PTPN13: variants seen among roughly 807,000 people sequenced by gnomAD.
PTPN13 encodes protein tyrosine phosphatase non-receptor type 13.
A neutral mutation model predicts 284.0 loss-of-function variants in PTPN13; 191 were observed. That is an observed-to-expected ratio of 0.67 (90% CI 0.60 to 0.76). PTPN13 has a LOEUF of 0.76. Ranked by LOEUF, PTPN13 falls within the 30% of genes least tolerant of loss-of-function variation. The pLI, the probability that PTPN13 is intolerant of heterozygous loss-of-function variation, is 0.00. For missense variants in PTPN13, 2,797 were observed against 2,939.9 expected, an observed-to-expected ratio of 0.95 and a Z score of 1.12; for synonymous variants, 986 against 1,022.3, an observed-to-expected ratio of 0.96 and a Z score of 0.68.
chr4:86,699,365 G>C (rs1730904189), intron 6 of PTPN13, among the ~76,000 whole-genome samples: 1 of 151,902 alleles, frequency 6.6e-6, no homozygotes, highest in Admixed American at 6.6e-5. Flanking sequence ...GAGCCTGGGA[G>C]ACGGAGCGAG....
At position 86,732,465 on chromosome 4, in the gene PTPN13, G is replaced by A; in HGVS notation, c.1674G>A (p.Arg558=). The change falls in exon 11 of 48, where the codon CGG becomes CGA. Residue 558 remains arginine, a synonymous_variant. Coordinates refer to ENST00000411767, the MANE Select transcript of PTPN13 (RefSeq NM_080683.3). ...CATTTATATCTTTGGATTTGCCACGGTCTATTCTTGTAAGTAATAAAACCA... is the reference window on the plus strand; with the variant it reads ...CATTTATATCTTTGGATTTGCCACGATCTATTCTTGTAAGTAATAAAACCA... ...IEPFISLDLP[R]SILTKKGKNE... is the part of the protein sequence containing the mutation. 3.1e-6 allele frequency: 5 copies of A among 1,600,636 alleles called. No homozygotes were observed. The highest frequency in any genetic ancestry group is 4.3e-6 in the Non-Finnish European group (5 of 1,172,328).
intron 1 of PTPN13, among the ~76,000 whole-genome samples, chr4:86,613,909 C>T (rs758815199): frequency 1.3e-5 from 2 of 151,996 alleles, no homozygotes; most frequent in African/African-American, 2.4e-5. Context: ...AGTTAAATAC[C>T]TAGAATTTCT....
At chr4:86,637,783 C>A (rs1162203351) in intron 2 of PTPN13, among the ~76,000 whole-genome samples, 4 of 141,682 alleles carry the variant, frequency 2.8e-5, no homozygotes, top group South Asian at 5.0e-4. Context: ...ACAGGGATGC[C>A]CTCTCTCACC....
chr4:86,766,370 A>G, intron 26 of PTPN13, 62 bp from the exon 27 acceptor site: 1 of 1,304,476 alleles, frequency 7.7e-7, no homozygotes. Flanking sequence ...ACGAAATAAG[A>G]CCATAAGATT....
chr4:86,652,127 G>C (rs1725158234), intron 2 of PTPN13, among the ~76,000 whole-genome samples: 1 of 151,990 alleles, frequency 6.6e-6, no homozygotes, highest in African/African-American at 2.4e-5. Context: ...CAGTTTTTTT[G>C]TTTGGTTGAT....
chr4:86,695,556 T>A (rs1402581672), intron 6 of PTPN13, among the ~76,000 whole-genome samples: 1 of 152,034 alleles, frequency 6.6e-6, no homozygotes, highest in Non-Finnish European at 1.5e-5. Flanking sequence ...GAAATAATCT[T>A]TTGGGAGACA....
At chr4:86,794,560 A>C (rs1182959617) in intron 40 of PTPN13, among the ~76,000 whole-genome samples, 1 of 152,202 alleles carries the variant, frequency 6.6e-6, no homozygotes, top group African/African-American at 2.4e-5. Flanking sequence ...TAAAGTTCAT[A>C]TGGAACCCAA....
intron 1 of PTPN13, among the ~76,000 whole-genome samples, chr4:86,632,291 A>G (rs1212079827): frequency 6.6e-6 from 1 of 152,172 alleles, no homozygotes; most frequent in African/African-American, 2.4e-5. Flanking sequence ...TTTGTTGCTT[A>G]TCTCCTCACC....
At chr4:86,722,560 T>A (rs1373968990) in intron 10 of PTPN13, 126 bp downstream of exon 10, 7 of 678,150 alleles carry the variant, frequency 1.0e-5, no homozygotes, top group Non-Finnish European at 1.6e-5. Context: ...TGAAATCCCA[T>A]ATTCATTTCC....
intron 3 of PTPN13, among the ~76,000 whole-genome samples, chr4:86,684,113 A>AAAAG (rs1306626622): frequency 6.6e-6 from 1 of 152,110 alleles, no homozygotes; most frequent in Non-Finnish European, 1.5e-5. Flanking sequence ...AAAAAAAAAA[A>AAAAG]AGCTGTTTCC....
chr4:86,752,956 T>C lies in PTPN13; in HGVS notation c.3167-53T>C. On this transcript the variant is annotated intron_variant, in intron 19 of 47. Coordinates refer to ENST00000411767, the MANE Select transcript of PTPN13 (RefSeq NM_080683.3). ...AGCTTATCAGAAGAAATCACTTCGA[T>C]ATCTAGCATCTGACCATCTTATGAA... 2.3e-6 allele frequency: 3 copies of C among 1,305,240 alleles called. No individual in the cohort carries two copies. In the East Asian group the frequency reaches 7.1e-5, roughly 31 times the overall value. The allele number at this position is 1,305,240 out of a possible 1,614,324, so 80.9% of individuals were successfully genotyped here. A position where few individuals can be genotyped will look rare whatever the true frequency, so the allele number is the denominator to read the frequency against.
chr4:86,684,786 C>A (rs887183239), intron 3 of PTPN13, among the ~76,000 whole-genome samples: 1 of 151,958 alleles, frequency 6.6e-6, no homozygotes, highest in Non-Finnish European at 1.5e-5. Flanking sequence ...TGCTGCAAAA[C>A]GAAACAACAA....
chr4:86,759,144 C>A, intron 23 of PTPN13, 71 bp downstream of exon 23: 1 of 1,483,734 alleles, frequency 6.7e-7, no homozygotes, highest in Non-Finnish European at 9.1e-7. Flanking sequence ...GTGATATTCG[C>A]ACAAAAATGG....
chr4:86,675,051 T>A (rs866403894), intron 3 of PTPN13, among the ~76,000 whole-genome samples: 3 of 152,280 alleles, frequency 2.0e-5, no homozygotes, highest in African/African-American at 7.2e-5. Flanking sequence ...TTTTCTGATT[T>A]TCTGAGAGGT....
intron 15 of PTPN13, among the ~76,000 whole-genome samples, chr4:86,739,923 C>T (rs1375972105): frequency 1.3e-5 from 2 of 152,162 alleles, no homozygotes; most frequent in Non-Finnish European, 2.9e-5. Flanking sequence ...GGCAGGCAAA[C>T]CTTAAAGCTG....
intron 10 of PTPN13, among the ~76,000 whole-genome samples, chr4:86,730,796 C>T (rs899772284): frequency 1.3e-5 from 2 of 152,070 alleles, no homozygotes; most frequent in Non-Finnish European, 2.9e-5. Context: ...TCAGCTCATC[C>T]TCCGATTGCT....
At position 86,799,175 on chromosome 4, in the gene PTPN13, A is replaced by G. The variant is rs752782686; in HGVS notation, c.6476A>G (p.Glu2159Gly). The change falls in exon 42 of 48, where the codon GAG becomes GGG. Residue 2159 changes from glutamate to glycine, a missense_variant. Coordinates refer to ENST00000411767, the MANE Select transcript of PTPN13 (RefSeq NM_080683.3). ...TGGGGAAATGATGAGTTGCCAATAGAGAGAACAAACCATGAAGATTCTGAT... is the reference window on the plus strand; with the variant it reads ...TGGGGAAATGATGAGTTGCCAATAGGGAGAACAAACCATGAAGATTCTGAT... ...ITWGNDELPI[E>G]RTNHEDSDKD... is the part of the protein sequence containing the mutation. 4.2e-5 allele frequency: 66 copies of G among 1,582,670 alleles called. 1 individual carries two copies. The highest frequency in any genetic ancestry group is 3.6e-5 in the Admixed American group (2 of 54,904).
Position 86,635,380 on chromosome 4 carries a change from C to T in PTPN13, c.115+9C>T, listed in dbSNP as rs1387568198. ...AGAATTATTCAGAAAAGGTAAGCTG[C>T]TGCTGCTGCTGCTGTTGTTGTTGTT... On this transcript the variant is annotated intron_variant, in intron 2 of 47. Transcript: ENST00000411767. 3 of 1,574,884 alleles carry T rather than the reference C, an allele frequency of 1.9e-6. No homozygotes were observed. In the South Asian group the frequency reaches 3.5e-5, roughly 18 times the overall value.
Position 86,762,787 on chromosome 4 carries a change from A to G in PTPN13, c.3614A>G (p.Tyr1205Cys), listed in dbSNP as rs756212054. The change falls in exon 24 of 48, where the codon TAC becomes TGC. Residue 1205 changes from tyrosine to cysteine, a missense_variant. Tyr to Cys is a radical substitution (Grantham distance 194). Transcript: ENST00000411767. ...EMKNYMKKSS[Y>C]MQDSAIDSSS... ...AAAAACTACATGAAGAAATCTTCCT[A>G]CATGCAAGACAGTGCTATAGATTCT... The G allele has an allele frequency of 7.5e-6, 12 of 1,609,464 alleles. No individual in the cohort carries two copies. Among genetic ancestry groups the G allele is most frequent in the Non-Finnish European group, 1.0e-5 (12 of 1,176,042 alleles).
Sources: gnomAD v4.1 joint callset for allele counts (sites outside exome capture counted in the v4.1 genomes callset) on GRCh38, gnomAD v4.1.1 for gene constraint, MANE v1.5 for transcripts, NCBI Gene and HGNC (gene_info 2026-07-23, HGNC 2026-07-21) for gene names.